Variants in TMTC1 observed in about 807,000 individuals in gnomAD.
The protein encoded by TMTC1 is protein O-mannosyl-transferase TMTC1.
In TMTC1, 73 loss-of-function variants were observed where a neutral mutation model predicts 104.8. The observed-to-expected ratio is 0.70, with a 90% CI of 0.58 to 0.85. The LOEUF (loss-of-function observed/expected upper bound fraction) is 0.85. TMTC1 is among the 40% of genes least tolerant of loss of function. TMTC1 has a pLI of 0.00. For missense variants in TMTC1, 1,035 were observed against 1,096.1 expected (o/e 0.94, Z 0.79); for synonymous variants, 434 against 428.7 (o/e 1.01, Z -0.15).
intron 6 of TMTC1, among the ~76,000 whole-genome samples, chr12:29,628,986 T>C (rs926297497): frequency 6.6e-6 from 1 of 151,928 alleles, no homozygotes; most frequent in African/African-American, 2.4e-5. Context: ...CTATTGATAA[T>C]AACTCTTTCA....
intron 5 of TMTC1, among the ~76,000 whole-genome samples, chr12:29,727,286 AG>A (rs1340592355): frequency 6.6e-6 from 1 of 152,262 alleles, no homozygotes; most frequent in Non-Finnish European, 1.5e-5. Flanking sequence ...TATGGATTAC[AG>A]TGATGCAGGA....
At chr12:29,628,253 G>A (rs184256881) in intron 6 of TMTC1, among the ~76,000 whole-genome samples, 5 of 152,178 alleles carry the variant, frequency 3.3e-5, no homozygotes, top group East Asian at 3.9e-4. Flanking sequence ...GAGTTTTTCT[G>A]CCCCTACATT....
chr12:29,605,809 C>T (rs956439469), intron 6 of TMTC1, among the ~76,000 whole-genome samples: 7 of 152,034 alleles, frequency 4.6e-5, no homozygotes, highest in African/African-American at 1.7e-4. Flanking sequence ...TTTCTGCCAC[C>T]CAGAGAGTGA....
At chr12:29,601,324 C>T (rs2136392034) in intron 7 of TMTC1, among the ~76,000 whole-genome samples, 1 of 152,298 alleles carries the variant, frequency 6.6e-6, no homozygotes, top group East Asian at 1.9e-4. Flanking sequence ...AGGTCTCTTT[C>T]AGAAGAATCA....
chr12:29,674,610 G>C (rs550211524), intron 5 of TMTC1, among the ~76,000 whole-genome samples: 8 of 152,322 alleles, frequency 5.3e-5, no homozygotes, highest in African/African-American at 1.9e-4. Flanking sequence ...CTTTAGTTCA[G>C]CTGTAAAGGT....
intron 10 of TMTC1, among the ~76,000 whole-genome samples, chr12:29,543,882 C>T (rs1944869606): frequency 6.6e-6 from 1 of 152,172 alleles, no homozygotes; most frequent in Non-Finnish European, 1.5e-5. Flanking sequence ...TTCTGCTTGA[C>T]TTTCTACAGA....
At chr12:29,594,772 C>G (rs1358433505) in intron 7 of TMTC1, among the ~76,000 whole-genome samples, 1 of 152,190 alleles carries the variant, frequency 6.6e-6, no homozygotes, top group African/African-American at 2.4e-5. Context: ...GAGTCTCTCT[C>G]TTCCATCCAC....
intron 5 of TMTC1, among the ~76,000 whole-genome samples, chr12:29,646,308 C>A (rs1939265929): frequency 6.6e-6 from 1 of 152,154 alleles, no homozygotes; most frequent in South Asian, 2.1e-4. Context: ...GTTAGAGCAT[C>A]AAGAAGTAGA....
chr12:29,689,260 GTT>G (rs35349904), intron 5 of TMTC1, among the ~76,000 whole-genome samples: 9 of 146,752 alleles, frequency 6.1e-5, no homozygotes, highest in Admixed American at 2.7e-4. Context: ...TAAGCCACTG[GTT>G]TTTTTTTTTT....
chr12:29,681,099 CAA>C (rs71045827), intron 5 of TMTC1, among the ~76,000 whole-genome samples: 3 of 107,206 alleles, frequency 2.8e-5, no homozygotes, highest in African/African-American at 3.8e-5. Context: ...ACCCTGTCTC[CAA>C]AAAAAAAAAA....
chr12:29,628,667 T>G (rs1565721263), intron 6 of TMTC1, among the ~76,000 whole-genome samples: 1 of 152,090 alleles, frequency 6.6e-6, no homozygotes, highest in Non-Finnish European at 1.5e-5. Context: ...CCTTTATTTT[T>G]TATTGTTATT....
chr12:29,596,704 A>G (rs1008634758), intron 7 of TMTC1, among the ~76,000 whole-genome samples: 4 of 152,184 alleles, frequency 2.6e-5, no homozygotes, highest in African/African-American at 9.6e-5. Context: ...TGGCTCACTG[A>G]CAAGCCTACG....
rs138664632 is a variant in TMTC1 at position 29,521,014 on chromosome 12, G to A, written c.1786-294C>T. The A allele has an allele frequency of 6.7e-4, 143 of 213,220 alleles. 1 individual carries two copies. The highest frequency in any genetic ancestry group is 9.1e-4 in the Non-Finnish European group (99 of 108,506). 13.2% of individuals were successfully genotyped at this position (213,220 alleles called of 1,614,324 possible). Reference sequence around the variant, plus strand: ...GACCTGTACAACATGCACGCCTACCGGGGAAAAAGGACTGAAAATAGTTGT... The same window carrying A: ...GACCTGTACAACATGCACGCCTACCAGGGAAAAAGGACTGAAAATAGTTGT... On this transcript the variant is annotated intron_variant, in intron 11 of 17. Coordinates refer to ENST00000539277, the MANE Select transcript of TMTC1 (RefSeq NM_001193451.2).
intron 10 of TMTC1, among the ~76,000 whole-genome samples, chr12:29,540,982 G>T (rs1381702875): frequency 6.9e-6 from 1 of 144,840 alleles, no homozygotes; most frequent in East Asian, 2.0e-4. Flanking sequence ...GCGACAGAGT[G>T]AGACTCTGTC....
intron 6 of TMTC1, among the ~76,000 whole-genome samples, chr12:29,628,985 A>AT (rs1938151627): frequency 6.6e-6 from 1 of 152,020 alleles, no homozygotes. Flanking sequence ...TCTATTGATA[A>AT]TAACTCTTTC....
At chr12:29,638,805 G>A (rs577794932) in intron 5 of TMTC1, among the ~76,000 whole-genome samples, 1 of 152,144 alleles carries the variant, frequency 6.6e-6, no homozygotes, top group African/African-American at 2.4e-5. Flanking sequence ...GGGGGATAAG[G>A]GAACTCCTCC....
intron 5 of TMTC1, among the ~76,000 whole-genome samples, chr12:29,721,132 G>A (rs1388944086): frequency 6.6e-6 from 1 of 152,068 alleles, no homozygotes; most frequent in Non-Finnish European, 1.5e-5. Flanking sequence ...CCTACTTCAG[G>A]AAATTTTGGA....
intron 5 of TMTC1, among the ~76,000 whole-genome samples, chr12:29,653,291 G>A (rs983027976): frequency 2.0e-5 from 3 of 152,068 alleles, no homozygotes; most frequent in Non-Finnish European, 4.4e-5. Context: ...ACACAGGCCA[G>A]AAACCGTGAG....
chr12:29,592,563 C>A (rs901875911), intron 7 of TMTC1, among the ~76,000 whole-genome samples: 3 of 152,126 alleles, frequency 2.0e-5, no homozygotes, highest in East Asian at 1.9e-4. Flanking sequence ...CCCTAATTTT[C>A]TTTTACTCCT....
Sources: allele counts gnomAD v4.1 joint callset (sites outside exome capture counted in the v4.1 genomes callset), GRCh38; gene constraint gnomAD v4.1.1; transcripts MANE v1.5; gene names NCBI Gene and HGNC (gene_info 2026-07-23, HGNC 2026-07-21).